APPL2: variants seen among roughly 807,000 people sequenced by gnomAD.
APPL2 encodes the protein adaptor protein, phosphotyrosine interacting with PH domain and leucine zipper 2.
APPL2 carries 84 observed loss-of-function variants against 92.7 expected under a neutral mutation model. That is an observed-to-expected ratio of 0.91 (90% CI 0.76 to 1.09). APPL2 has a LOEUF of 1.09. Among genes scored for constraint, APPL2 ranks in the 50% least tolerant of loss-of-function variants. The pLI is 0.00. For synonymous variants in APPL2, 291 were observed against 291.0 expected (o/e 1.00, Z 0.00); for missense variants, 736 against 824.5 (o/e 0.89, Z 1.31).
At chr12:105,222,900 T>G (rs1890213795) in intron 2 of APPL2, among the ~76,000 whole-genome samples, 1 of 152,110 alleles carries the variant, frequency 6.6e-6, no homozygotes, top group African/African-American at 2.4e-5. Context: ...TTGCGGTCAG[T>G]CTCAGAGGCC....
intron 10 of APPL2, among the ~76,000 whole-genome samples, chr12:105,198,961 G>T (rs566033648): frequency 6.6e-6 from 1 of 152,136 alleles, no homozygotes; most frequent in African/African-American, 2.4e-5. Context: ...AGTATGAATC[G>T]AACTGACTCT....
At position 105,207,050 on chromosome 12, in the gene APPL2, G is replaced by C. The variant is rs1566079384; in HGVS notation, c.621+11C>G. On this transcript the variant is annotated intron_variant, in intron 8 of 20. Coordinates refer to ENST00000258530, the MANE Select transcript of APPL2 (RefSeq NM_018171.5). ...GCTTAGGTTTCAGCCCTCAGGGAGG[G>C]ACTCCCCTACCTGTCCATGGGCAAA... 1 of 1,610,798 alleles carries C rather than the reference G, an allele frequency of 6.2e-7. No individual in the cohort carries two copies. Among genetic ancestry groups the C allele is most frequent in the Admixed American group, 1.7e-5 (1 of 59,020 alleles).
At chr12:105,183,247 C>A (rs530250433) in intron 17 of APPL2, among the ~76,000 whole-genome samples, 13 of 152,046 alleles carry the variant, frequency 8.6e-5, no homozygotes, top group Non-Finnish European at 1.3e-4. Context: ...GGGCATTTAG[C>A]CTGTTTACAT....
At chr12:105,221,852 T>C (rs550115792) in intron 2 of APPL2, among the ~76,000 whole-genome samples, 1 of 152,284 alleles carries the variant, frequency 6.6e-6, no homozygotes, top group Non-Finnish European at 1.5e-5. Context: ...AACTGGGCAT[T>C]TGGCAAAGGA....
Position 105,217,717 on chromosome 12 carries a change from C to T in APPL2, c.162G>A (p.Met54Ile), listed in dbSNP as rs1287142731. The T allele has an allele frequency of 6.2e-7, 1 of 1,613,834 alleles. No individual in the cohort carries two copies. Residue 54 changes from methionine to isoleucine, a missense_variant, in exon 3 of 21, where the codon ATG becomes ATA. By Grantham distance (10) the Met-to-Ile change is conservative (BLOSUM62 1). Coordinates refer to ENST00000258530, the MANE Select transcript of APPL2 (RefSeq NM_018171.5). ...MQRVYGAQNE[M>I]CLATQQLSKQ... The stretch of plus-strand genomic sequence containing the variant: ...TAGAAAGCTGTTGTGTGGCCAGGCA[C>T]ATCTCATTCTGTGGAGAGAAGAGAA...
Position 105,236,024 on chromosome 12 carries a change from G to A in APPL2, c.-12C>T, listed in dbSNP as rs1264811180. On this transcript the variant is annotated 5_prime_UTR_variant, in exon 1 of 21. Transcript: ENST00000258530. ...TCCACGGCGGGCATGGTGCGGCGCG[G>A]CTCAGCCGAGGGCTGGGTTGGAAGG... 2 of 1,244,096 alleles carry A rather than the reference G, an allele frequency of 1.6e-6. No individual in the cohort carries two copies. Among genetic ancestry groups the A allele is most frequent in the Non-Finnish European group, 2.0e-6 (2 of 986,768 alleles). The allele number at this position is 1,244,096 out of a possible 1,614,324, so 77.1% of individuals were successfully genotyped here.
Position 105,176,961 on chromosome 12 carries a change from A to G in APPL2, c.1727T>C (p.Val576Ala). The G allele has an allele frequency of 1.9e-6, 3 of 1,614,100 alleles. No homozygotes were observed. Among genetic ancestry groups the G allele is most frequent in the Non-Finnish European group, 1.7e-6 (2 of 1,180,010 alleles). ...FAAHQENKRL[V>A]GFVIRVPEST... is the part of the protein sequence containing the mutation. ...TTCAGGAACACGGATGACAAAACCA[A>G]CCAGTCTCTTGTTTTCTTGATGAGC... The change falls in exon 19 of 21, where the codon GTT (valine) becomes GCT (alanine). Residue 576 changes from valine (V) to alanine (A), a missense_variant. Physicochemically the swap from Val to Ala is moderately conservative, Grantham distance 64. Transcript: ENST00000258530.
At chr12:105,213,266 T>G (rs915961120) in intron 4 of APPL2, among the ~76,000 whole-genome samples, 4 of 152,224 alleles carry the variant, frequency 2.6e-5, no homozygotes, top group Non-Finnish European at 5.9e-5. Context: ...TGTCATCAGC[T>G]TTTAACATGG....
At chr12:105,183,552 A>C (rs1234038487) in intron 17 of APPL2, among the ~76,000 whole-genome samples, 1 of 152,182 alleles carries the variant, frequency 6.6e-6, no homozygotes, top group Non-Finnish European at 1.5e-5. Flanking sequence ...CTGGGTTGAA[A>C]ATTCTTTTCC....
At chr12:105,180,545 ATTAC>A (rs1262486481) in intron 17 of APPL2, among the ~76,000 whole-genome samples, 1 of 150,628 alleles carries the variant, frequency 6.6e-6, no homozygotes, top group Non-Finnish European at 1.5e-5. Context: ...GAATAGCACT[ATTAC>A]TTTGGGCAGT....
At position 105,174,125 on chromosome 12, in the gene APPL2, G is replaced by T; in HGVS notation, c.*189C>A. ...AAGCACCTAAAATAACATTGTAGAT[G>T]GGTGGGAACGCTGTCAACCATTTCT... On this transcript the variant is annotated 3_prime_UTR_variant, in exon 21 of 21. Transcript: ENST00000258530. 3.3e-6 allele frequency: 2 copies of T among 598,368 alleles called. No individual in the cohort carries two copies. The highest frequency in any genetic ancestry group is 3.3e-5 in the East Asian group (1 of 30,144). 37.1% of individuals were successfully genotyped at this position (598,368 alleles called of 1,614,324 possible).
intron 9 of APPL2, among the ~76,000 whole-genome samples, chr12:105,200,795 G>A (rs758839582): frequency 6.6e-6 from 1 of 152,142 alleles, no homozygotes; most frequent in African/African-American, 2.4e-5. Context: ...GGTAAGGAAC[G>A]TTGGGCTTGG....
At chr12:105,223,575 G>A (rs573123999) in intron 2 of APPL2, among the ~76,000 whole-genome samples, 1 of 152,332 alleles carries the variant, frequency 6.6e-6, no homozygotes, top group African/African-American at 2.4e-5. Context: ...GAGGCTGTGA[G>A]CCAGGCACTA....
At chr12:105,187,065 A>G (rs1886798580) in intron 17 of APPL2, among the ~76,000 whole-genome samples, 1 of 152,140 alleles carries the variant, frequency 6.6e-6, no homozygotes, top group African/African-American at 2.4e-5. Context: ...GGTTTTTCAC[A>G]GTACTTTTAC....
chr12:105,228,924 A>G (rs1890718838), intron 2 of APPL2, among the ~76,000 whole-genome samples: 1 of 152,250 alleles, frequency 6.6e-6, no homozygotes, highest in African/African-American at 2.4e-5. Context: ...GGTTCTAATT[A>G]AAGACAAATC....
rs370956831 is a variant in APPL2, at chr12:105,195,912, G to A, written c.1053-285C>T. On this transcript the variant is annotated intron_variant, in intron 11 of 20. Transcript: ENST00000258530. ...TCTACAAAAAATACAAAAATTAGCT[G>A]GGCGTGGTGGCGTGTGCCTGTAGTC... is the stretch of plus-strand genomic sequence containing the variant. 6.6e-5 allele frequency among the ~76,000 whole-genome samples: 10 copies of A among 152,120 alleles called. No homozygotes were observed. In the South Asian group the frequency reaches 2.1e-3, roughly 32 times the overall value.
At chr12:105,233,067 T>A (rs1891036636) in intron 1 of APPL2, 1 of 983,848 alleles carries the variant, frequency 1.0e-6, no homozygotes, top group South Asian at 4.7e-5. Flanking sequence ...TGTCTTCACC[T>A]TACCTCAAAA....
chr12:105,231,383 G>A (rs1456857931), intron 1 of APPL2, among the ~76,000 whole-genome samples: 1 of 152,220 alleles, frequency 6.6e-6, no homozygotes, highest in Non-Finnish European at 1.5e-5. Context: ...TACCACCTAT[G>A]TGCTGGACGC....
chr12:105,178,902 T>A (rs1222675238), intron 17 of APPL2, among the ~76,000 whole-genome samples: 3 of 152,238 alleles, frequency 2.0e-5, no homozygotes, highest in Non-Finnish European at 4.4e-5. Context: ...TTTGTAAAAT[T>A]CCCTTATAAG....
Sources: allele counts gnomAD v4.1 joint callset (sites outside exome capture counted in the v4.1 genomes callset), GRCh38; gene constraint gnomAD v4.1.1; transcripts MANE v1.5; gene names NCBI Gene and HGNC (gene_info 2026-07-23, HGNC 2026-07-21).